The following C3orf20 variants were observed in gnomAD, a reference collection of about 807,000 sequenced individuals.
The protein encoded by C3orf20 is family with sequence similarity 149 member C, also known as uncharacterized protein C3orf20.
A neutral mutation model predicts 88.3 loss-of-function variants in C3orf20; 76 were observed. The observed-to-expected ratio is 0.86, with a 90% CI of 0.72 to 1.04. The LOEUF is 1.04. Ranked by LOEUF, C3orf20 falls within the 50% of genes least tolerant of loss-of-function variation. The probability of loss-of-function intolerance (pLI) is 0.00; values close to 1 mark genes in which losing one functional copy is unlikely to be tolerated. For synonymous variants in C3orf20, 436 were observed against 437.4 expected, an observed-to-expected ratio of 1.00 and a Z score of 0.04; for missense variants, 1,056 against 1,123.3, an observed-to-expected ratio of 0.94 and a Z score of 0.86.
intron 12 of C3orf20, among the ~76,000 whole-genome samples, chr3:14,735,160 A>G (rs150406967): frequency 6.6e-6 from 1 of 151,872 alleles, no homozygotes; most frequent in African/African-American, 2.4e-5. Flanking sequence ...TCTTTTAATT[A>G]GAGTATTTAA....
intron 10 of C3orf20, chr3:14,722,146 CT>C (rs1419432510): frequency 2.5e-5 from 7 of 285,558 alleles, no homozygotes; most frequent in Non-Finnish European, 4.1e-5. Flanking sequence ...CTGCTTTCCT[CT>C]TTGTTGGCTT....
intron 6 of C3orf20, among the ~76,000 whole-genome samples, 192 bp from the exon 7 acceptor site, chr3:14,704,145 G>C (rs2033397158): frequency 6.6e-6 from 1 of 152,184 alleles, no homozygotes. Flanking sequence ...GCTATTCTTA[G>C]ACGGGCATTG....
At position 14,715,423 on chromosome 3, in the gene C3orf20, G is replaced by A. The variant is rs868030960; in HGVS notation, c.1434+14G>A. ...CTGGAATACAAGGTAGGGATGGGCA[G>A]CACAGGTTGGGTGGCAGTGAGCACC... On this transcript the variant is annotated intron_variant, in intron 9 of 16. Coordinates refer to ENST00000253697, the MANE Select transcript of C3orf20 (RefSeq NM_032137.5). 11 of 1,607,018 alleles carry A rather than the reference G, an allele frequency of 6.8e-6. No individual in the cohort carries two copies. The Middle Eastern group carries it at 1.3e-3, about 194-fold the overall frequency.
rs1223649252 is a variant in C3orf20 at position 14,701,677 on chromosome 3, C to G, written c.746-1453C>G. On this transcript the variant is annotated intron_variant, in intron 5 of 16. Coordinates refer to ENST00000253697, the MANE Select transcript of C3orf20 (RefSeq NM_032137.5). The surrounding 1 kb of genome is among the most constrained non-coding windows in gnomAD (Gnocchi z 4.6). ...GGCACTTGGGCTCCCTCGAGAAGAC[C>G]CAAGATTAGCCATCATCAGAGAAGT... 1.3e-5 allele frequency among the ~76,000 whole-genome samples: 2 copies of G among 152,092 alleles called. No individual in the cohort carries two copies.
At chr3:14,738,630 CTTTTT>C (rs34407504) in intron 12 of C3orf20, among the ~76,000 whole-genome samples, 1 of 73,482 alleles carries the variant, frequency 1.4e-5, no homozygotes, top group Non-Finnish European at 2.4e-5. Context: ...CATGCCCGGC[CTTTTT>C]TTTTTTTTTT....
chr3:14,686,860 G>A (rs565762393), intron 4 of C3orf20, among the ~76,000 whole-genome samples: 2 of 152,360 alleles, frequency 1.3e-5, no homozygotes, highest in East Asian at 3.9e-4. Flanking sequence ...TGTCCACTGA[G>A]TCAGTAGCTT....
At chr3:14,764,678 G>A (rs2035654228) in intron 15 of C3orf20, among the ~76,000 whole-genome samples, 1 of 152,100 alleles carries the variant, frequency 6.6e-6, no homozygotes, top group Non-Finnish European at 1.5e-5. Flanking sequence ...CCCATACCTG[G>A]TGGTCAGTGT....
chr3:14,727,661 G>A (rs1375047624), intron 11 of C3orf20, among the ~76,000 whole-genome samples: 3 of 152,074 alleles, frequency 2.0e-5, no homozygotes, highest in Admixed American at 6.5e-5. Context: ...GTTTCTTCTC[G>A]TCCCCAGAGA....
chr3:14,677,944 T>G (rs2031867797), intron 1 of C3orf20, among the ~76,000 whole-genome samples: 1 of 116,748 alleles, frequency 8.6e-6, no homozygotes, highest in South Asian at 2.9e-4. Context: ...AGGAGCACCC[T>G]ACAATGCAGA....
intron 7 of C3orf20, among the ~76,000 whole-genome samples, chr3:14,709,413 G>A (rs114476004): frequency 1.6e-4 from 25 of 152,308 alleles, no homozygotes; most frequent in African/African-American, 5.8e-4. Context: ...TTGAATAGAA[G>A]TGGTGAAAGC....
chr3:14,712,315 G>T (rs1575116368), intron 7 of C3orf20, among the ~76,000 whole-genome samples: 1 of 152,008 alleles, frequency 6.6e-6, no homozygotes, highest in East Asian at 1.9e-4. Context: ...ACTACAAGGG[G>T]CAAGGAAGGA....
rs1348149996 is a variant in C3orf20 at position 14,768,248 on chromosome 3, C to T, written c.2496-3819C>T. 2.0e-5 allele frequency among the ~76,000 whole-genome samples: 3 copies of T among 152,002 alleles called. No individual in the cohort carries two copies. The highest frequency in any genetic ancestry group is 2.1e-4 in the South Asian group (1 of 4,798). On this transcript the variant is annotated intron_variant, in intron 15 of 16. Coordinates refer to ENST00000253697, the MANE Select transcript of C3orf20 (RefSeq NM_032137.5). The surrounding 1 kb of genome is among the most constrained non-coding windows in gnomAD (Gnocchi z 4.1). ...AGTGCAGGGGGCCCACACCCTCGTC[C>T]GCTGCATACACCAAGACCCCTCCAA...
chr3:14,730,957 C>A (rs924031913), intron 12 of C3orf20, among the ~76,000 whole-genome samples: 1 of 152,130 alleles, frequency 6.6e-6, no homozygotes, highest in Non-Finnish European at 1.5e-5. Flanking sequence ...TTCAGCAGTC[C>A]TTCTTTTCCT....
intron 10 of C3orf20, among the ~76,000 whole-genome samples, chr3:14,724,455 A>G (rs1362782984): frequency 6.6e-6 from 1 of 152,096 alleles, no homozygotes; most frequent in Non-Finnish European, 1.5e-5. Context: ...TTCAAGTCTT[A>G]TTTTCTTACC....
Position 14,721,727 on chromosome 3 carries a change from A to G in C3orf20, c.1509A>G (p.Thr503=). ...ITVTFTSLNE[T]VTLTVSANNC... ...TCACCTTCACCTCCCTGAATGAGAC[A>G]GTAACACTCACTGTGTCGGCCAACA... Residue 503 remains threonine, a synonymous_variant, in exon 10 of 17, where the codon ACA becomes ACG. Coordinates refer to ENST00000253697, the MANE Select transcript of C3orf20 (RefSeq NM_032137.5). 6.2e-7 allele frequency: 1 copy of G among 1,614,244 alleles called. No homozygotes were observed. The highest frequency in any genetic ancestry group is 8.5e-7 in the Non-Finnish European group (1 of 1,180,026).
At chr3:14,716,795 C>T (rs1180964498) in intron 9 of C3orf20, among the ~76,000 whole-genome samples, 5 of 152,290 alleles carry the variant, frequency 3.3e-5, no homozygotes, top group Non-Finnish European at 1.5e-5. Context: ...ATCAGAGTCA[C>T]CTCTGGGACT....
chr3:14,680,660 C>T (rs1282150877), intron 1 of C3orf20, among the ~76,000 whole-genome samples: 1 of 152,130 alleles, frequency 6.6e-6, no homozygotes, highest in Non-Finnish European at 1.5e-5. Flanking sequence ...TAAAGCTGTT[C>T]AAAAATTCAG....
At chr3:14,738,667 C>G (rs1327522473) in intron 12 of C3orf20, among the ~76,000 whole-genome samples, 2 of 90,568 alleles carry the variant, frequency 2.2e-5, no homozygotes, top group East Asian at 7.7e-4. Flanking sequence ...GAGTTTCTCT[C>G]TTGTTGCCCA....
chr3:14,714,196 A>G, intron 8 of C3orf20, 37 bp downstream of exon 8: 1 of 1,607,640 alleles, frequency 6.2e-7, no homozygotes, highest in Non-Finnish European at 8.5e-7. Context: ...ACACGGAAGT[A>G]CCTCTGAGGG....
Sources: allele counts gnomAD v4.1 joint callset (sites outside exome capture counted in the v4.1 genomes callset), GRCh38; gene constraint gnomAD v4.1.1; non-coding constraint Gnocchi (gnomAD v3.1); transcripts MANE v1.5; gene names NCBI Gene and HGNC (gene_info 2026-07-23, HGNC 2026-07-21).